The following CACNA1C variants were observed in gnomAD, a reference collection of about 807,000 sequenced individuals.
CACNA1C encodes the protein voltage-dependent L-type calcium channel subunit alpha-1C.
Under a neutral mutation model 229.0 loss-of-function variants are expected in CACNA1C, and 30 were observed. That is an observed-to-expected ratio of 0.13 (90% CI 0.10 to 0.18). The LOEUF (loss-of-function observed/expected upper bound fraction) is 0.18, where lower values mean the gene tolerates loss of function less well. Ranked by LOEUF, CACNA1C falls within the 10% of genes least tolerant of loss-of-function variation. The pLI is 1.00. For synonymous variants in CACNA1C, 1,114 were observed against 1,132.5 expected (o/e 0.98, Z 0.33); for missense variants, 1,658 against 2,845.0 (o/e 0.58, Z 9.49).
intron 3 of CACNA1C, among the ~76,000 whole-genome samples, chr12:2,225,908 G>T (rs1038346495): frequency 1.3e-5 from 2 of 152,102 alleles, no homozygotes; most frequent in Non-Finnish European, 2.9e-5. Flanking sequence ...TCACTGAGCT[G>T]TCTGAATCAT....
In CACNA1C at chr12:2,627,799, A is replaced by G. The variant is rs73243552; in HGVS notation, c.3829-6498A>G. Among the ~76,000 whole-genome samples the G allele has an allele frequency of 9.3e-3, 1,408 of 151,956 alleles. 27 individuals are homozygous for G. Among genetic ancestry groups the G allele is most frequent in the African/African-American group, 0.032 (1,330 of 41,436 alleles). On this transcript the variant is annotated intron_variant, in intron 29 of 46. Coordinates refer to ENST00000399655, the MANE Select transcript of CACNA1C (RefSeq NM_000719.7). ...TTGTCCTTTTCCACTCTCTGTCTCA[A>G]TCTCAGCAGCCCCACTTCTAATCCA...
At chr12:1,994,515 C>T (rs181990012) in intron 1 of CACNA1C, among the ~76,000 whole-genome samples, 1 of 152,100 alleles carries the variant, frequency 6.6e-6, no homozygotes, top group Non-Finnish European at 1.5e-5. Flanking sequence ...ACAATCAATA[C>T]CAGAAATAAT....
chr12:2,377,434 C>A (rs2098109286), intron 3 of CACNA1C, among the ~76,000 whole-genome samples: 1 of 152,170 alleles, frequency 6.6e-6, no homozygotes, highest in Admixed American at 6.5e-5. Context: ...ACTCACAGCC[C>A]TCAAGGAACT....
chr12:2,362,290 G>T (rs1402338042), intron 3 of CACNA1C, among the ~76,000 whole-genome samples: 1 of 152,164 alleles, frequency 6.6e-6, no homozygotes, highest in Non-Finnish European at 1.5e-5. Flanking sequence ...ATGCTGTGAT[G>T]CAGGCTTGGG....
At chr12:2,267,886 C>A (rs2083017430) in intron 3 of CACNA1C, among the ~76,000 whole-genome samples, 1 of 152,182 alleles carries the variant, frequency 6.6e-6, no homozygotes, top group Admixed American at 6.5e-5. Context: ...GTCCTTTTTT[C>A]CACTGTTCTT....
At chr12:2,323,637 G>A (rs1297746919) in intron 3 of CACNA1C, among the ~76,000 whole-genome samples, 2 of 152,192 alleles carry the variant, frequency 1.3e-5, no homozygotes, top group African/African-American at 4.8e-5. Flanking sequence ...CCAGACCTGA[G>A]GCAGCTTCCA....
At position 2,575,280 on chromosome 12, in the gene CACNA1C, C is replaced by T. The variant is rs1336554969; in HGVS notation, c.1896-6310C>T. Among the ~76,000 whole-genome samples the T allele has an allele frequency of 6.6e-6, 1 of 152,194 alleles. No homozygotes were observed. Among genetic ancestry groups the T allele is most frequent in the African/African-American group, 2.4e-5 (1 of 41,460 alleles). ...GGGGCAGGTACCAGTAGAAACTGAA[C>T]CGGTAGTTGAGGCCTTGGGGCCCAG... On this transcript the variant is annotated intron_variant, in intron 13 of 46. Coordinates refer to ENST00000399655, the MANE Select transcript of CACNA1C (RefSeq NM_000719.7). The surrounding 1 kb of genome is among the most constrained non-coding windows in gnomAD (Gnocchi z 4.0).
intron 18 of CACNA1C, among the ~76,000 whole-genome samples, chr12:2,591,879 G>C (rs2065523268): frequency 6.6e-6 from 1 of 152,190 alleles, no homozygotes; most frequent in Non-Finnish European, 1.5e-5. Flanking sequence ...GGCAGTCCTT[G>C]GCTTGTAGAT....
intron 3 of CACNA1C, among the ~76,000 whole-genome samples, chr12:2,334,894 A>T (rs2096645665): frequency 6.6e-6 from 1 of 152,206 alleles, no homozygotes; most frequent in South Asian, 2.1e-4. Flanking sequence ...GTGTTCAAGA[A>T]AGATAAGACC....
intron 10 of CACNA1C, among the ~76,000 whole-genome samples, chr12:2,552,438 C>T (rs951822239): frequency 2.0e-5 from 3 of 152,198 alleles, no homozygotes; most frequent in African/African-American, 4.8e-5. Context: ...AAAATTCCAG[C>T]TGAGAACAGA....
intron 3 of CACNA1C, among the ~76,000 whole-genome samples, chr12:2,434,515 C>T (rs1014527021): frequency 1.3e-5 from 2 of 152,212 alleles, no homozygotes; most frequent in African/African-American, 4.8e-5. Flanking sequence ...AAATTCTAAA[C>T]TTGATTTGTC....
intron 3 of CACNA1C, among the ~76,000 whole-genome samples, chr12:2,306,861 A>C (rs2095067043): frequency 6.6e-6 from 1 of 152,180 alleles, no homozygotes; most frequent in Non-Finnish European, 1.5e-5. Flanking sequence ...TCTCACATAC[A>C]AATGAGGAAG....
At position 2,416,216 on chromosome 12, in the gene CACNA1C, C is replaced by G. The variant is rs1039883821; in HGVS notation, c.478-32760C>G. On this transcript the variant is annotated intron_variant, in intron 3 of 46. Transcript: ENST00000399655. The stretch of plus-strand genomic sequence containing the variant: ...TTACCGTCCTTCCCACCTGCGTGCA[C>G]CTCCGTGACAGCACCCTTCCTTTAT... Among the ~76,000 whole-genome samples, 29 of 152,310 alleles carry G rather than the reference C, an allele frequency of 1.9e-4. 1 individual carries two copies. The highest frequency in any genetic ancestry group is 7.0e-4 in the African/African-American group (29 of 41,566).
intron 9 of CACNA1C, among the ~76,000 whole-genome samples, chr12:2,539,891 G>C (rs1328906676): frequency 6.6e-6 from 1 of 152,042 alleles, no homozygotes; most frequent in Non-Finnish European, 1.5e-5. Flanking sequence ...TGCAGGCAGG[G>C]TTTAAGGAAG....
Position 2,053,058 on chromosome 12 carries a change from A to AGCGGCG in CACNA1C, c.-496_-491dup, listed in dbSNP as rs764320977. 1.4e-5 allele frequency: 14 copies of AGCGGCG among 983,162 alleles called. No individual in the cohort carries two copies. Among genetic ancestry groups the AGCGGCG allele is most frequent in the Non-Finnish European group, 1.6e-5 (13 of 828,900 alleles). The allele number at this position is 983,162 out of a possible 1,614,324, so 60.9% of individuals were successfully genotyped here. ...GCTCGGCGCGGCGCGGCGGGCCCGG[A>AGCGGCG]GCGGCGGCGGCGGCTCTTCCTGCCT... On this transcript the variant is annotated 5_prime_UTR_variant, in exon 1 of 47. Coordinates refer to ENST00000399655, the MANE Select transcript of CACNA1C (RefSeq NM_000719.7). This position sits in a 1 kb window ranked among gnomAD's most constrained non-coding sequence, Gnocchi z 5.8.
At chr12:2,441,777 G>T (rs997739006) in intron 3 of CACNA1C, among the ~76,000 whole-genome samples, 2 of 152,200 alleles carry the variant, frequency 1.3e-5, no homozygotes, top group African/African-American at 4.8e-5. Context: ...AGCTGCTGCT[G>T]CTTTTTGTGT....
At chr12:2,480,814 A>G (rs570195118) in intron 5 of CACNA1C, among the ~76,000 whole-genome samples, 1 of 152,338 alleles carries the variant, frequency 6.6e-6, no homozygotes, top group South Asian at 2.1e-4. Flanking sequence ...TTGAGTTTGA[A>G]TAATTGGGAA....
intron 3 of CACNA1C, among the ~76,000 whole-genome samples, chr12:2,202,702 G>A (rs1349214951): frequency 2.0e-5 from 3 of 152,144 alleles, no homozygotes; most frequent in Non-Finnish European, 4.4e-5. Context: ...CTTCACGTGG[G>A]AAGGAGTGTC....
chr12:2,246,490 G>C (rs1282463300), intron 3 of CACNA1C, among the ~76,000 whole-genome samples: 1 of 152,154 alleles, frequency 6.6e-6, no homozygotes, highest in African/African-American at 2.4e-5. Context: ...AGTAATAGCA[G>C]CTAACACTTA....
Sources: allele counts gnomAD v4.1 joint callset (sites outside exome capture counted in the v4.1 genomes callset), GRCh38; gene constraint gnomAD v4.1.1; non-coding constraint Gnocchi (gnomAD v3.1); transcripts MANE v1.5; gene names NCBI Gene and HGNC (gene_info 2026-07-23, HGNC 2026-07-21).